Variants in NRXN1 observed in about 807,000 individuals in gnomAD.
The protein encoded by NRXN1 is neurexin 1, also known as neurexin-1.
NRXN1 carries 39 observed loss-of-function variants against 150.9 expected under a neutral mutation model. The ratio of observed to expected loss-of-function variants is 0.26; its 90% CI spans 0.20 to 0.34. The LOEUF (loss-of-function observed/expected upper bound fraction) is 0.34, where lower values mean the gene tolerates loss of function less well. Ranked by LOEUF, NRXN1 falls within the 10% of genes least tolerant of loss-of-function variation. The pLI, the probability that NRXN1 is intolerant of heterozygous loss-of-function variation, is 1.00. For missense variants in NRXN1, 1,815 were observed against 1,949.9 expected, an observed-to-expected ratio of 0.93 and a Z score of 1.30; for synonymous variants, 924 against 757.0, an observed-to-expected ratio of 1.22 and a Z score of -3.62.
intron 17 of NRXN1, among the ~76,000 whole-genome samples, chr2:50,445,782 G>C (rs1437258973): frequency 6.6e-6 from 1 of 152,074 alleles, no homozygotes; most frequent in East Asian, 1.9e-4. Context: ...GGGTATGTTA[G>C]GGCAAGGACA....
At chr2:50,143,652 G>A (rs1351205186) in intron 18 of NRXN1, among the ~76,000 whole-genome samples, 1 of 151,774 alleles carries the variant, frequency 6.6e-6, no homozygotes, top group Non-Finnish European at 1.5e-5. Context: ...TACTTTAATT[G>A]ACTCTACATG....
intron 17 of NRXN1, among the ~76,000 whole-genome samples, chr2:50,376,298 G>T (rs955261886): frequency 6.6e-6 from 1 of 150,986 alleles, no homozygotes; most frequent in African/African-American, 2.4e-5. Context: ...GATTTGGGTT[G>T]TGAACAAAAT....
At chr2:50,057,440 T>A (rs1292560336) in intron 19 of NRXN1, among the ~76,000 whole-genome samples, 9 of 152,206 alleles carry the variant, frequency 5.9e-5, no homozygotes, top group Non-Finnish European at 1.3e-4. Flanking sequence ...TTCCCTGATG[T>A]CATCAGGTTA....
chr2:50,415,241 ATTACAG>A (rs1489717045), intron 17 of NRXN1, among the ~76,000 whole-genome samples: 1 of 152,186 alleles, frequency 6.6e-6, no homozygotes, highest in Non-Finnish European at 1.5e-5. Context: ...AATACATTAA[ATTACAG>A]TTAAAGTTAT....
intron 21 of NRXN1, among the ~76,000 whole-genome samples, chr2:49,977,827 T>C (rs530387092): frequency 6.6e-6 from 1 of 152,322 alleles, no homozygotes; most frequent in African/African-American, 2.4e-5. Flanking sequence ...AACAGTATAC[T>C]TGAAGTCTTT....
chr2:49,966,239 C>A (rs1466358106), intron 21 of NRXN1, among the ~76,000 whole-genome samples: 1 of 152,052 alleles, frequency 6.6e-6, no homozygotes, highest in African/African-American at 2.4e-5. Flanking sequence ...GAGAAAACTT[C>A]CTCATTTTCA....
At chr2:50,402,562 G>A (rs1482179836) in intron 17 of NRXN1, among the ~76,000 whole-genome samples, 3 of 152,068 alleles carry the variant, frequency 2.0e-5, no homozygotes, top group Admixed American at 1.3e-4. Context: ...GGTCGATTAC[G>A]GAAGTAGTAG....
chr2:50,125,939 G>C (rs774747214), intron 18 of NRXN1, among the ~76,000 whole-genome samples: 8 of 151,956 alleles, frequency 5.3e-5, no homozygotes, highest in Non-Finnish European at 1.2e-4. Flanking sequence ...GATAGTTTTT[G>C]TTTTTGGAAA....
chr2:51,018,457 T>A (rs1400846407), intron 2 of NRXN1, among the ~76,000 whole-genome samples: 1 of 152,100 alleles, frequency 6.6e-6, no homozygotes, highest in African/African-American at 2.4e-5. Flanking sequence ...TTCTTTCCAA[T>A]AATAGTTTCT....
At chr2:50,648,603 A>G (rs369353850) in intron 5 of NRXN1, among the ~76,000 whole-genome samples, 1 of 151,992 alleles carries the variant, frequency 6.6e-6, no homozygotes, top group Admixed American at 6.6e-5. Flanking sequence ...TTAACCAGAC[A>G]TACCAGAAAA....
intron 5 of NRXN1, among the ~76,000 whole-genome samples, chr2:50,891,600 A>C (rs1305294907): frequency 1.3e-5 from 2 of 152,078 alleles, no homozygotes; most frequent in African/African-American, 4.8e-5. Context: ...AAAATGACTG[A>C]TTAAAACAGA....
chr2:50,170,499 G>A (rs1252556687), intron 18 of NRXN1, among the ~76,000 whole-genome samples: 1 of 152,054 alleles, frequency 6.6e-6, no homozygotes, highest in Non-Finnish European at 1.5e-5. Context: ...GTTTCACGAT[G>A]TTGACCATGC....
At chr2:50,064,413 T>A (rs1453061938) in intron 19 of NRXN1, among the ~76,000 whole-genome samples, 7 of 142,940 alleles carry the variant, frequency 4.9e-5, no homozygotes, top group African/African-American at 1.8e-4. Context: ...AGCAGAAAAA[T>A]TAATACCACG....
At chr2:50,012,685 G>A (rs1685907535) in intron 21 of NRXN1, among the ~76,000 whole-genome samples, 1 of 152,012 alleles carries the variant, frequency 6.6e-6, no homozygotes, top group Non-Finnish European at 1.5e-5. Flanking sequence ...TTTACTCACT[G>A]AATAAATGAA....
At chr2:50,085,744 T>A (rs1449894926) in intron 19 of NRXN1, among the ~76,000 whole-genome samples, 1 of 152,096 alleles carries the variant, frequency 6.6e-6, no homozygotes, top group Non-Finnish European at 1.5e-5. Context: ...TATGTTTAAA[T>A]ACCCATAAGA....
At chr2:50,798,065 A>G (rs746569010) in intron 5 of NRXN1, among the ~76,000 whole-genome samples, 8 of 152,180 alleles carry the variant, frequency 5.3e-5, no homozygotes, top group Non-Finnish European at 1.0e-4. Flanking sequence ...TAGAATATTT[A>G]CCAGGAGAAG....
intron 17 of NRXN1, among the ~76,000 whole-genome samples, chr2:50,251,167 C>T (rs2067028898): frequency 6.6e-6 from 1 of 151,756 alleles, no homozygotes. Context: ...TAGCATTCAT[C>T]CTGATGCTCT....
At chr2:49,995,064 C>T (rs552972154) in intron 21 of NRXN1, among the ~76,000 whole-genome samples, 7 of 152,312 alleles carry the variant, frequency 4.6e-5, no homozygotes, top group South Asian at 2.1e-4. Context: ...AATAATCATT[C>T]TCTCCAACCT....
At chr2:50,486,163 C>T (rs1440478999) in intron 15 of NRXN1, among the ~76,000 whole-genome samples, 1 of 152,132 alleles carries the variant, frequency 6.6e-6, no homozygotes, top group African/African-American at 2.4e-5. Flanking sequence ...AGCTTGACCA[C>T]ATTAGGACAT....
Sources: allele counts gnomAD v4.1 joint callset (sites outside exome capture counted in the v4.1 genomes callset), GRCh38; gene constraint gnomAD v4.1.1; transcripts MANE v1.5; gene names NCBI Gene and HGNC (gene_info 2026-07-23, HGNC 2026-07-21).